The following LRP3 variants were observed in gnomAD, a reference collection of about 807,000 sequenced individuals.
The protein encoded by LRP3 is low-density lipoprotein receptor-related protein 3.
Under a neutral mutation model 58.5 loss-of-function variants are expected in LRP3, and 49 were observed. The ratio of observed to expected loss-of-function variants is 0.84; its 90% CI spans 0.67 to 1.06. The LOEUF (loss-of-function observed/expected upper bound fraction) is 1.06. LRP3 is among the 50% of genes least tolerant of loss of function. The pLI is 0.00. For missense variants in LRP3, 1,019 were observed against 1,134.2 expected, an observed-to-expected ratio of 0.90 and a Z score of 1.46; for synonymous variants, 485 against 492.2, an observed-to-expected ratio of 0.99 and a Z score of 0.20.
Position 33,206,665 on chromosome 19 carries a change from T to C in LRP3, c.1657T>C (p.Tyr553His). The change falls in exon 6 of 7, where the codon TAT (tyrosine) becomes CAT (histidine). Residue 553 changes from tyrosine to histidine, a missense_variant. Around this residue, in one of 2 missense-constraint regions of LRP3, gnomAD observed 427 missense variants for 408.6 expected, o/e 1.04. Transcript: ENST00000253193. ...EFVRREAPPS[Y>H]GQLIAQGLIP... is the part of the protein sequence containing the mutation. ...CGTGCGGCGGGAGGCACCCCCATCC[T>C]ATGGTCAGCTCATCGCCCAGGGCCT... 6.3e-7 allele frequency: 1 copy of C among 1,583,796 alleles called. No individual in the cohort carries two copies. The highest frequency in any genetic ancestry group is 8.6e-7 in the Non-Finnish European group (1 of 1,165,452).
At chr19:33,197,614 GA>G (rs1375699372) in intron 2 of LRP3, among the ~76,000 whole-genome samples, 1 of 152,114 alleles carries the variant, frequency 6.6e-6, no homozygotes, top group Non-Finnish European at 1.5e-5. Flanking sequence ...GTGACAGAGC[GA>G]GACCCTGTCT....
intron 2 of LRP3, among the ~76,000 whole-genome samples, chr19:33,199,518 C>G (rs2194169): frequency 0.014 from 2,079 of 152,170 alleles, 42 homozygotes; most frequent in African/African-American, 0.048. Context: ...ACTTGCAGCT[C>G]CCTGCACAGA....
rs1282928520 is a variant in LRP3 at position 33,205,751 on chromosome 19, C to T, written c.981C>T (p.Tyr327=). The change falls in exon 5 of 7, where the codon TAC becomes TAT. Residue 327 remains tyrosine, a synonymous_variant. Transcript: ENST00000253193. ...RGDRLLQTLS[Y]RSNHRPVSLE... ...ACCGCCTGCTGCAGACGCTGTCCTA[C>T]CGCAGCAACCACCGGCCCGTGAGCC... 3 of 1,594,200 alleles carry T rather than the reference C, an allele frequency of 1.9e-6. No homozygotes were observed. The highest frequency in any genetic ancestry group is 2.6e-6 in the Non-Finnish European group (3 of 1,174,770).
Position 33,207,519 on chromosome 19 carries a change from C to G in LRP3, c.2257C>G (p.Pro753Ala), listed in dbSNP as rs760088566. 3 of 1,603,998 alleles carry G rather than the reference C, an allele frequency of 1.9e-6. No individual in the cohort carries two copies. ...EPLGVCRNPP[P>A]PCSPMLEASD... Reference sequence around the variant, plus strand: ...ACTGGGGGTCTGCAGGAACCCCCCGCCCCCCTGCTCCCCAATGCTGGAGGC... The same window carrying G: ...ACTGGGGGTCTGCAGGAACCCCCCGGCCCCCTGCTCCCCAATGCTGGAGGC... Residue 753 changes from proline (P) to alanine (A), a missense_variant, in exon 7 of 7, where the codon CCC (proline) becomes GCC (alanine). Transcript: ENST00000253193.
chr19:33,200,210 CTCTTCTTT>C (rs1482370714), intron 2 of LRP3, among the ~76,000 whole-genome samples: 2 of 152,184 alleles, frequency 1.3e-5, no homozygotes, highest in African/African-American at 4.8e-5. Flanking sequence ...TGGGAAAGAT[CTCTTCTTT>C]TGGATTTCCT....
chr19:33,206,909 T>C, intron 6 of LRP3, 79 bp from the exon 7 acceptor site: 1 of 1,221,108 alleles, frequency 8.2e-7, no homozygotes, highest in Non-Finnish European at 1.1e-6. Flanking sequence ...CCCTTGGGGG[T>C]GTGCTGTCTC....
Position 33,207,506 on chromosome 19 carries a change from C to A in LRP3, c.2244C>A (p.Cys748Ter). The change falls in exon 7 of 7, where the codon TGC (cysteine) becomes TGA (stop). Residue 748 changes from cysteine (C) to a stop codon, truncating the protein, a stop_gained. Coordinates refer to ENST00000253193, the MANE Select transcript of LRP3 (RefSeq NM_002333.4). LOFTEE classifies it high-confidence loss of function. ...GPHSPEPLGV[C>*]RNPPPPCSPM... The stretch of plus-strand genomic sequence containing the variant: ...ACTCGCCAGAGCCACTGGGGGTCTG[C>A]AGGAACCCCCCGCCCCCCTGCTCCC... The A allele has an allele frequency of 6.2e-7, 1 of 1,602,928 alleles. No homozygotes were observed. Among genetic ancestry groups the A allele is most frequent in the Non-Finnish European group, 8.5e-7 (1 of 1,177,678 alleles).
rs1347487460 is a variant in LRP3, at chr19:33,207,460, C to T, written c.2198C>T (p.Ala733Val). 1.3e-6 allele frequency: 2 copies of T among 1,599,170 alleles called. No homozygotes were observed. The highest frequency in any genetic ancestry group is 1.7e-6 in the Non-Finnish European group (2 of 1,176,682). The change falls in exon 7 of 7, where the codon GCC (alanine) becomes GTC (valine). Residue 733 changes from alanine to valine, a missense_variant. By Grantham distance (64) the Ala-to-Val change is moderately conservative. Around this residue, in one of 2 missense-constraint regions of LRP3, gnomAD observed 427 missense variants for 408.6 expected, o/e 1.04. Coordinates refer to ENST00000253193, the MANE Select transcript of LRP3 (RefSeq NM_002333.4). ...AQDPHPQVST[A>V]SSTLGPHSPE... ...GACCCGCACCCCCAGGTCTCCACTG[C>T]CAGCAGCACCCTGGGCCCCCACTCG...
At chr19:33,203,712 A>C (rs1204479443) in intron 3 of LRP3, among the ~76,000 whole-genome samples, 2 of 152,110 alleles carry the variant, frequency 1.3e-5, no homozygotes, top group African/African-American at 4.8e-5. Context: ...CTGGGAACAC[A>C]GCCTGGGACT....
chr19:33,196,665 A>G lies in LRP3; in HGVS notation c.74-65A>G, dbSNP rs1436181290. The G allele has an allele frequency of 3.4e-6, 5 of 1,475,588 alleles. No homozygotes were observed. The African/African-American group carries it at 5.5e-5, about 16-fold the overall frequency. 91.4% of individuals were successfully genotyped at this position (1,475,588 alleles called of 1,614,324 possible). On this transcript the variant is annotated intron_variant, in intron 1 of 6. Coordinates refer to ENST00000253193, the MANE Select transcript of LRP3 (RefSeq NM_002333.4). ...CTTGGGTTTAGCTGTGGTGTCCCTC[A>G]TGGGCTGCTGCTGGTCCCCAGCAGG... is the stretch of plus-strand genomic sequence containing the variant.
At chr19:33,194,939 G>A in intron 1 of LRP3, 81 bp downstream of exon 1, 2 of 697,642 alleles carry the variant, frequency 2.9e-6, no homozygotes, top group Middle Eastern at 6.1e-4. Flanking sequence ...CTCCTCTCCG[G>A]CCGCGGCATC....
chr19:33,202,864 G>A lies in LRP3; in HGVS notation c.138G>A (p.Lys46=), dbSNP rs1241829046. The change falls in exon 3 of 7, where the codon AAG becomes AAA. Residue 46 remains lysine (K), a synonymous_variant. Transcript: ENST00000253193. The stretch of plus-strand genomic sequence containing the variant: ...TCCCGACAGCGGCCTGCAGTGGGAA[G>A]CTGGAGCAGCACACGGAGCGGCGTG... ...AVPALAACSG[K]LEQHTERRGV... is the part of the protein sequence containing the mutation. 1.9e-6 allele frequency: 3 copies of A among 1,610,482 alleles called. No homozygotes were observed. Among genetic ancestry groups the A allele is most frequent in the East Asian group, 2.2e-5 (1 of 44,770 alleles).
rs1974459364 is a variant in LRP3, at chr19:33,208,630, T to A, written c.*1055T>A. The A allele has an allele frequency of 1.3e-5, 7 of 536,192 alleles. 1 individual carries two copies. In the South Asian group the frequency reaches 1.5e-4, roughly 11 times the overall value. 33.2% of individuals were successfully genotyped at this position (536,192 alleles called of 1,614,324 possible). ...CCGAGGTACGCCCCAGCCACTCCCA[T>A]CTGTGCCCATCAGGGACTCCCCATA... is the stretch of plus-strand genomic sequence containing the variant. On this transcript the variant is annotated 3_prime_UTR_variant, in exon 7 of 7. Coordinates refer to ENST00000253193, the MANE Select transcript of LRP3 (RefSeq NM_002333.4). The surrounding 1 kb of genome is among the most constrained non-coding windows in gnomAD (Gnocchi z 4.7).
In LRP3 at chr19:33,206,347, G is replaced by A. The variant is rs1197291462; in HGVS notation, c.1577G>A (p.Arg526His). 1.0e-5 allele frequency: 16 copies of A among 1,604,112 alleles called. No homozygotes were observed. Among genetic ancestry groups the A allele is most frequent in the Non-Finnish European group, 1.3e-5 (15 of 1,177,750 alleles). ...TGCGCCTTCAAGCTCTACTCACTGCGCACGCAGGAATACAGGTGGGCGCTG... is the reference window on the plus strand; with the variant it reads ...TGCGCCTTCAAGCTCTACTCACTGCACACGCAGGAATACAGGTGGGCGCTG... The part of the protein sequence containing the change: ...LGCAFKLYSL[R>H]TQEYRAFETQ... Residue 526 changes from arginine to histidine, a missense_variant, in exon 5 of 7, where the codon CGC (arginine) becomes CAC (histidine). Arg to His is a conservative substitution (Grantham distance 29, BLOSUM62 0). Transcript: ENST00000253193.
rs1974461763 is a variant in LRP3, at chr19:33,208,737, G to GTCCACATTT, written c.*1164_*1172dup. On this transcript the variant is annotated 3_prime_UTR_variant, in exon 7 of 7. Transcript: ENST00000253193. This position sits in a 1 kb window ranked among gnomAD's most constrained non-coding sequence, Gnocchi z 4.7. ...GGGCAGTGCTAAGACAGGAAACCCA[G>GTCCACATTT]TCCACATTTTAGGGCTTCCTTAAAC... 2.1e-6 allele frequency: 2 copies of GTCCACATTT among 930,682 alleles called. No individual in the cohort carries two copies. The highest frequency in any genetic ancestry group is 2.2e-4 in the Middle Eastern group (1 of 4,522). The allele number at this position is 930,682 out of a possible 1,614,324, so 57.7% of individuals were successfully genotyped here. A position where few individuals can be genotyped will look rare whatever the true frequency, so the allele number is the denominator to read the frequency against.
chr19:33,196,650 G>A, intron 1 of LRP3, 80 bp from the exon 2 acceptor site: 1 of 1,320,136 alleles, frequency 7.6e-7, no homozygotes, highest in Non-Finnish European at 1.1e-6. Context: ...CTTGGGTTTA[G>A]CTGTGGTGTC....
In LRP3 at chr19:33,205,484, G is replaced by T; in HGVS notation, c.714G>T (p.Gln238His). 1 of 1,582,886 alleles carries T rather than the reference G, an allele frequency of 6.3e-7. No individual in the cohort carries two copies. The highest frequency in any genetic ancestry group is 8.6e-7 in the Non-Finnish European group (1 of 1,167,406). Residue 238 changes from glutamine to histidine, a missense_variant, in exon 5 of 7, where the codon CAG (glutamine) becomes CAT (histidine). Coordinates refer to ENST00000253193, the MANE Select transcript of LRP3 (RefSeq NM_002333.4). ...LPVERRCDGLQDCGDGSDEAG... is the reference protein window; with the variant it reads ...LPVERRCDGLHDCGDGSDEAG... Reference sequence around the variant, plus strand: ...TGGAGCGGCGCTGTGACGGCTTGCAGGACTGCGGCGACGGCTCGGATGAGG... The same window carrying T: ...TGGAGCGGCGCTGTGACGGCTTGCATGACTGCGGCGACGGCTCGGATGAGG...
At position 33,202,949 on chromosome 19, in the gene LRP3, T is replaced by C; in HGVS notation, c.223T>C (p.Tyr75His). The change falls in exon 3 of 7, where the codon TAC (tyrosine) becomes CAC (histidine). Residue 75 changes from tyrosine to histidine, a missense_variant. Physicochemically the swap from Tyr to His is moderately conservative, Grantham distance 83. Transcript: ENST00000253193. ...NYPPGTNCSWYIQGDRGDMIT... is the reference protein window; with the variant it reads ...NYPPGTNCSWHIQGDRGDMIT... ...CCCGCCAGGCACCAACTGCAGCTGG[T>C]ACATCCAGGGCGACCGTGGTGACAT... 6.2e-7 allele frequency: 1 copy of C among 1,613,020 alleles called. No homozygotes were observed. The highest frequency in any genetic ancestry group is 2.2e-5 in the East Asian group (1 of 44,864).
chr19:33,204,537 C>G, intron 3 of LRP3, 101 bp from the exon 4 acceptor site: 1 of 831,914 alleles, frequency 1.2e-6, no homozygotes. Flanking sequence ...ACAGGGCTGG[C>G]TGTCCTGGCC....
Sources: allele counts gnomAD v4.1 joint callset (sites outside exome capture counted in the v4.1 genomes callset), GRCh38; gene constraint gnomAD v4.1.1; regional missense constraint gnomAD v4.1.1; non-coding constraint Gnocchi (gnomAD v3.1); transcripts MANE v1.5; gene names NCBI Gene and HGNC (gene_info 2026-07-23, HGNC 2026-07-21).